Variants in TOM1L1 observed in about 807,000 individuals in gnomAD.
TOM1L1 encodes TOM1-like protein 1.
A neutral mutation model predicts 63.4 loss-of-function variants in TOM1L1; 64 were observed. That is an observed-to-expected ratio of 1.01 (90% CI 0.83 to 1.24). The LOEUF (loss-of-function observed/expected upper bound fraction) is 1.24, where lower values mean the gene tolerates loss of function less well. TOM1L1 is among the 50% of genes most tolerant of loss of function. The pLI is 0.00. For synonymous variants in TOM1L1, 166 were observed against 194.4 expected (o/e 0.85, Z 1.22); for missense variants, 536 against 567.0 (o/e 0.95, Z 0.55).
intron 6 of TOM1L1, among the ~76,000 whole-genome samples, chr17:54,914,955 A>C (rs2048563359): frequency 6.6e-6 from 1 of 152,178 alleles, no homozygotes; most frequent in Admixed American, 6.5e-5. Flanking sequence ...CCAAAGCCCA[A>C]CTTTGTAAGA....
intron 14 of TOM1L1, among the ~76,000 whole-genome samples, chr17:54,960,182 G>T (rs1245912617): frequency 1.3e-5 from 2 of 152,084 alleles, no homozygotes; most frequent in African/African-American, 4.8e-5. Context: ...GGCCAACAGG[G>T]TGAAACCCTG....
intron 7 of TOM1L1, among the ~76,000 whole-genome samples, chr17:54,926,657 C>T (rs1317629118): frequency 6.8e-6 from 1 of 148,030 alleles, no homozygotes; most frequent in Non-Finnish European, 1.5e-5. Flanking sequence ...AAAAAAAAAT[C>T]CTGAGAATAG....
chr17:54,943,401 A>C (rs1282660473), intron 11 of TOM1L1, among the ~76,000 whole-genome samples: 6 of 141,454 alleles, frequency 4.2e-5, no homozygotes, highest in Non-Finnish European at 6.2e-5. Context: ...TTAGTGCTCC[A>C]TTTTAGTTTA....
intron 7 of TOM1L1, chr17:54,916,976 C>T (rs1376522978): frequency 6.6e-6 from 1 of 152,112 alleles, no homozygotes; most frequent in Non-Finnish European, 1.5e-5. Context: ...TCTCTTACAC[C>T]CACTAATGCT....
chr17:54,925,921 A>AC (rs56131507), intron 7 of TOM1L1, among the ~76,000 whole-genome samples: 44,810 of 146,628 alleles, frequency 0.31, 6,655 homozygotes, highest in Middle Eastern at 0.32. Flanking sequence ...AACAACAACA[A>AC]AAAAAAAAGC....
chr17:54,917,494 A>G (rs2143795309), intron 7 of TOM1L1: 1 of 152,310 alleles, frequency 6.6e-6, no homozygotes, highest in Admixed American at 6.5e-5. Context: ...ATATGTACAT[A>G]ATTTTAAAAT....
At chr17:54,956,327 CAG>C (rs968141617) in intron 14 of TOM1L1, among the ~76,000 whole-genome samples, 30 of 151,984 alleles carry the variant, frequency 2.0e-4, no homozygotes, top group African/African-American at 6.5e-4. Flanking sequence ...TTTTTTGAGA[CAG>C]AGTGTCACTC....
At chr17:54,913,923 G>A in intron 5 of TOM1L1, 50 bp downstream of exon 5, 1 of 1,552,788 alleles carries the variant, frequency 6.4e-7, no homozygotes. Flanking sequence ...GTATCACTTG[G>A]GTCTTTTCTC....
chr17:54,925,808 G>A (rs1206079166), intron 7 of TOM1L1, among the ~76,000 whole-genome samples: 1 of 152,108 alleles, frequency 6.6e-6, no homozygotes, highest in Non-Finnish European at 1.5e-5. Flanking sequence ...GGAGGTTGAG[G>A]CATGAGAATC....
chr17:54,956,396 C>T (rs2049504071), intron 14 of TOM1L1, among the ~76,000 whole-genome samples: 1 of 152,052 alleles, frequency 6.6e-6, no homozygotes, highest in Admixed American at 6.6e-5. Flanking sequence ...CTTCTGCCTC[C>T]CAGGCTCAGG....
intron 13 of TOM1L1, 26 bp downstream of exon 13, chr17:54,949,649 C>T (rs1035208567): frequency 2.0e-6 from 3 of 1,537,688 alleles, no homozygotes; most frequent in Non-Finnish European, 2.7e-6. Flanking sequence ...TTATTCGCAT[C>T]AAATAAGGAA....
intron 7 of TOM1L1, chr17:54,916,389 A>G (rs1471200600): frequency 1.3e-5 from 2 of 153,544 alleles, no homozygotes; most frequent in Admixed American, 6.5e-5. Flanking sequence ...GATGGAGGCA[A>G]TGCTCGAGCT....
chr17:54,924,497 C>T (rs1278170844), intron 7 of TOM1L1, among the ~76,000 whole-genome samples: 1 of 152,064 alleles, frequency 6.6e-6, no homozygotes, highest in Non-Finnish European at 1.5e-5. Context: ...CCAGGCTGAT[C>T]TCGAACTCTT....
At position 54,961,272 on chromosome 17, in the gene TOM1L1, T is replaced by G. The variant is rs1300106414; in HGVS notation, c.*39T>G. 1 of 1,551,322 alleles carries G rather than the reference T, an allele frequency of 6.4e-7. No individual in the cohort carries two copies. Among genetic ancestry groups the G allele is most frequent in the East Asian group, 2.4e-5 (1 of 40,924 alleles). ...GATCAGCTCACTACCACATCAAAGG[T>G]GCCAACTCTCTAAAACGTAGACTCT... On this transcript the variant is annotated 3_prime_UTR_variant, in exon 16 of 16. Transcript: ENST00000575882.
At chr17:54,942,693 A>C (rs2049051112) in intron 11 of TOM1L1, among the ~76,000 whole-genome samples, 1 of 152,162 alleles carries the variant, frequency 6.6e-6, no homozygotes, top group Non-Finnish European at 1.5e-5. Flanking sequence ...CATATACTAA[A>C]ATTGACCTTT....
Position 54,912,754 on chromosome 17 carries a change from T to C in TOM1L1, c.311T>C (p.Leu104Pro), listed in dbSNP as rs1305769810. Residue 104 changes from leucine to proline, a missense_variant, in exon 4 of 16, where the codon CTA (leucine) becomes CCA (proline). Transcript: ENST00000575882. The part of the protein sequence containing the change: ...KEFVKENLVK[L>P]LNPRYNLPLD... ...TTTGTTAAAGAGAATTTAGTTAAGC[T>C]ACTGAATCCCAGATACAACTTGCCA... 1.2e-6 allele frequency: 2 copies of C among 1,611,348 alleles called. No individual in the cohort carries two copies. The highest frequency in any genetic ancestry group is 1.7e-6 in the Non-Finnish European group (2 of 1,179,200).
At chr17:54,923,607 G>T (rs1014584471) in intron 7 of TOM1L1, among the ~76,000 whole-genome samples, 5 of 151,594 alleles carry the variant, frequency 3.3e-5, no homozygotes, top group Admixed American at 2.0e-4. Flanking sequence ...GTGCAGTGGC[G>T]CGATCTCGGC....
chr17:54,902,074 C>T lies in TOM1L1; in HGVS notation c.58+1151C>T, dbSNP rs577541880. Among the ~76,000 whole-genome samples the T allele has an allele frequency of 3.3e-5, 5 of 152,246 alleles. No homozygotes were observed. In the South Asian group the frequency reaches 8.3e-4, roughly 25 times the overall value. On this transcript the variant is annotated intron_variant, in intron 1 of 15. Coordinates refer to ENST00000575882, the MANE Select transcript of TOM1L1 (RefSeq NM_005486.3). ...AGGCACTGGTGAGGCCAAGGTGAGA[C>T]GTGGTCTCAAACCTGAGGGAACTCA... is the stretch of plus-strand genomic sequence containing the variant.
In TOM1L1 at chr17:54,905,477, T is replaced by C. The variant is rs1415051450; in HGVS notation, c.144-12T>C. 2 of 1,594,726 alleles carry C rather than the reference T, an allele frequency of 1.3e-6. No individual in the cohort carries two copies. The highest frequency in any genetic ancestry group is 1.7e-6 in the Non-Finnish European group (2 of 1,166,592). ...GCCTAAATTGGTGATTTCAGTGTAT[T>C]TATTGCTATAGGCCAAAAGATGCAG... On this transcript the variant is annotated splice_polypyrimidine_tract_variant and intron_variant, in intron 2 of 15. Transcript: ENST00000575882.
Sources: gnomAD v4.1 joint callset for allele counts (sites outside exome capture counted in the v4.1 genomes callset) on GRCh38, gnomAD v4.1.1 for gene constraint, MANE v1.5 for transcripts, NCBI Gene and HGNC (gene_info 2026-07-23, HGNC 2026-07-21) for gene names.